The following SMARCC2 variants were observed in gnomAD, a reference collection of about 807,000 sequenced individuals.
SMARCC2 encodes SWI/SNF related BAF chromatin remodeling complex subunit C2.
A neutral mutation model predicts 151.3 loss-of-function variants in SMARCC2; 15 were observed. The ratio of observed to expected loss-of-function variants is 0.10; its 90% confidence interval spans 0.07 to 0.15. The LOEUF (loss-of-function observed/expected upper bound fraction) is 0.15. Ranked by LOEUF, SMARCC2 falls within the 10% of genes least tolerant of loss-of-function variation. The pLI is 1.00. For missense variants in SMARCC2, 1,031 were observed against 1,599.7 expected (o/e 0.64, Z 6.06); for synonymous variants, 590 against 609.5 (o/e 0.97, Z 0.47).
chr12:56,181,137 T>C (rs1876118597), intron 10 of SMARCC2, 36 bp from the exon 11 acceptor site: 7 of 1,595,064 alleles, frequency 4.4e-6, no homozygotes, highest in Non-Finnish European at 6.0e-6. Context: ...AACCCAGTCA[T>C]CCTTGGACAA....
chr12:56,178,476 T>C lies in SMARCC2; in HGVS notation c.1238A>G (p.His413Arg). 6.2e-7 allele frequency: 1 copy of C among 1,614,214 alleles called. No homozygotes were observed. ...GGTCTGTTCAGTCACATTGTCCTCA[T>C]GCAGGTCTGGATTCTTGGTCTGCTC... The part of the protein sequence containing the change: ...KGEQTKNPDL[H>R]EDNVTEQTHH... Residue 413 changes from histidine to arginine, a missense_variant, in exon 14 of 29, where the codon CAT becomes CGT. Physicochemically the swap from His to Arg is conservative, Grantham distance 29. Around this residue, in one of 12 missense-constraint regions of SMARCC2, gnomAD observed 51 missense variants for 135.1 expected, o/e 0.38. Transcript: ENST00000550164.
Position 56,164,628 on chromosome 12 carries a change from CA to C in SMARCC2, c.3335del (p.Leu1112CysfsTer22). On this transcript the variant is annotated frameshift_variant, in exon 28 of 29. Transcript: ENST00000550164. LOFTEE classifies it high-confidence loss of function. ...PGVAGNAPLG[L>X]PFGMPPPPPP... The stretch of plus-strand genomic sequence containing the variant: ...GAGGAGGAGGCGGCATGCCAAAAGG[CA>C]AACCCAAAGGAGCATTACCCGCCAC... The C allele has an allele frequency of 6.2e-7, 1 of 1,612,886 alleles. No homozygotes were observed. Among genetic ancestry groups the C allele is most frequent in the Non-Finnish European group, 8.5e-7 (1 of 1,179,362 alleles).
At position 56,170,280 on chromosome 12, in the gene SMARCC2, T is replaced by G. The variant is rs971976342; in HGVS notation, c.2348-72A>C. 14 of 1,311,006 alleles carry G rather than the reference T, an allele frequency of 1.1e-5. No individual in the cohort carries two copies. The African/African-American group carries it at 1.6e-4, about 15-fold the overall frequency. The allele number at this position is 1,311,006 out of a possible 1,614,324, so 81.2% of individuals were successfully genotyped here. A position where few individuals can be genotyped will look rare whatever the true frequency, so the allele number is the denominator to read the frequency against. On this transcript the variant is annotated intron_variant, in intron 22 of 28. Coordinates refer to ENST00000550164, the MANE Select transcript of SMARCC2 (RefSeq NM_001330288.2). ...GTCGTCTGTGTCTAACACTTTTCTT[T>G]TTTTTTAGAGACAGGGTCTTGCTGT...
rs767090428 is a variant in SMARCC2 at position 56,174,695 on chromosome 12, G to C, written c.1452C>G (p.Thr484=). 6.2e-6 allele frequency: 10 copies of C among 1,613,888 alleles called. No individual in the cohort carries two copies. The highest frequency in any genetic ancestry group is 2.7e-5 in the African/African-American group (2 of 74,886). ...RLNPQEYLTS[T]ACRRNLAGDV... ...CACCCGCTAGGTTTCGGCGGCAGGC[G>C]GTAGAGGTAAGATACTCTTGGGGGT... Residue 484 remains threonine (T), a synonymous_variant, in exon 16 of 29, where the codon ACC becomes ACG. Transcript: ENST00000550164.
chr12:56,176,145 C>A (rs1261268854), intron 15 of SMARCC2, among the ~76,000 whole-genome samples: 3 of 146,832 alleles, frequency 2.0e-5, no homozygotes, highest in Non-Finnish European at 4.4e-5. Context: ...GCGTGAGCCA[C>A]CATGCCCAGC....
At chr12:56,164,944 C>A (rs912321830) in intron 27 of SMARCC2, among the ~76,000 whole-genome samples, 34 of 152,104 alleles carry the variant, frequency 2.2e-4, no homozygotes, top group African/African-American at 8.2e-4. Flanking sequence ...CGCACCACCA[C>A]GCCCAGCTAA....
chr12:56,178,675 G>T, intron 13 of SMARCC2, 135 bp downstream of exon 13: 2 of 1,455,536 alleles, frequency 1.4e-6, no homozygotes, highest in Non-Finnish European at 1.9e-6. Context: ...CTCTGAAAGG[G>T]TCAGAGTTTT....
At chr12:56,163,844 AACCGGGC>A in intron 28 of SMARCC2, 79 bp from the exon 29 acceptor site, 1 of 945,792 alleles carries the variant, frequency 1.1e-6, no homozygotes, top group Non-Finnish European at 1.5e-6. Flanking sequence ...AGACAGACAG[AACCGGGC>A]ATGGCATGCA....
rs1274838603 is a variant in SMARCC2, at chr12:56,171,386, C to T, written c.2232G>A (p.Glu744=). The part of the protein sequence containing the change: ...MKEEVPTALV[E]AHVRKVEEAA... ...CTTCTTCCACTTTTCGAACATGGGC[C>T]TCCACCAAGGCCGTGGGTACCTCTT... is the stretch of plus-strand genomic sequence containing the variant. Residue 744 remains glutamate, a synonymous_variant, in exon 22 of 29, where the codon GAG becomes GAA. Transcript: ENST00000550164. The surrounding 1 kb of genome is among the most constrained non-coding windows in gnomAD (Gnocchi z 4.2). 9 of 1,614,132 alleles carry T rather than the reference C, an allele frequency of 5.6e-6. No homozygotes were observed. The highest frequency in any genetic ancestry group is 1.3e-5 in the African/African-American group (1 of 74,942).
Position 56,162,406 on chromosome 12 carries a change from GAAAA to G in SMARCC2, c.*1279_*1282del, listed in dbSNP as rs893741242. The G allele has an allele frequency of 6.3e-6, 4 of 636,000 alleles. No homozygotes were observed. Among genetic ancestry groups the G allele is most frequent in the Admixed American group, 2.9e-5 (1 of 35,068 alleles). The allele number at this position is 636,000 out of a possible 1,614,324, so 39.4% of individuals were successfully genotyped here. A position where few individuals can be genotyped will look rare whatever the true frequency, so the allele number is the denominator to read the frequency against. On this transcript the variant is annotated 3_prime_UTR_variant, in exon 29 of 29. Coordinates refer to ENST00000550164, the MANE Select transcript of SMARCC2 (RefSeq NM_001330288.2). The stretch of plus-strand genomic sequence containing the variant: ...TATAAAAAAAAAAAAAAGAAAGAAA[GAAAA>G]AAAGAGAAAATTTACAGAAAACTTT...
In SMARCC2 at chr12:56,178,825, C is replaced by T. The variant is rs371101532; in HGVS notation, c.1164G>A (p.Met388Ile). The T allele has an allele frequency of 1.4e-5, 22 of 1,614,042 alleles. No homozygotes were observed. Among genetic ancestry groups the T allele is most frequent in the Middle Eastern group, 3.3e-4 (2 of 6,084 alleles). ...CTGGCTCCACCTTGCCCGTCGTCTC[C>T]ATGCTTTCATCTTCCTGTTCATCTG... is the stretch of plus-strand genomic sequence containing the variant. ...TDLDEQEDES[M>I]ETTGKDEDEN... Residue 388 changes from methionine (M) to isoleucine (I), a missense_variant, in exon 13 of 29, where the codon ATG (methionine) becomes ATA (isoleucine). Met to Ile is a conservative substitution (Grantham distance 10, BLOSUM62 1). Around this residue, in one of 12 missense-constraint regions of SMARCC2, gnomAD observed 127 missense variants for 141.7 expected, o/e 0.90. Transcript: ENST00000550164.
rs200667953 is a variant in SMARCC2, at chr12:56,185,020, T to C, written c.399+10A>G. On this transcript the variant is annotated intron_variant, in intron 4 of 28. Transcript: ENST00000550164. ...AGGGAAGGGAGATAAATAGGGTATA[T>C]GCCTATTACCTGCACCAAGGACTTC... 9 of 1,600,264 alleles carry C rather than the reference T, an allele frequency of 5.6e-6. No individual in the cohort carries two copies. Among genetic ancestry groups the C allele is most frequent in the Non-Finnish European group, 7.7e-6 (9 of 1,167,316 alleles).
intron 11 of SMARCC2, among the ~76,000 whole-genome samples, chr12:56,180,722 C>G (rs369274522): frequency 3.9e-5 from 6 of 152,298 alleles, no homozygotes; most frequent in African/African-American, 1.4e-4. Flanking sequence ...ATATATTTTA[C>G]TGTCAGAAAC....
rs1350953923 is a variant in SMARCC2, at chr12:56,162,908, C to G, written c.*781G>C. 6.6e-6 allele frequency: 1 copy of G among 152,466 alleles called. No individual in the cohort carries two copies. Among genetic ancestry groups the G allele is most frequent in the Non-Finnish European group, 1.5e-5 (1 of 68,168 alleles). 9.4% of individuals were successfully genotyped at this position (152,466 alleles called of 1,614,324 possible). On this transcript the variant is annotated 3_prime_UTR_variant, in exon 29 of 29. Transcript: ENST00000550164. ...AGGAGAACAGCCCCCAGTGCCCTTTCTTCTCCTATTACCTACCACAGAAAT... is the reference window on the plus strand; with the variant it reads ...AGGAGAACAGCCCCCAGTGCCCTTTGTTCTCCTATTACCTACCACAGAAAT...
chr12:56,188,166 C>T (rs1877626557), intron 1 of SMARCC2, among the ~76,000 whole-genome samples: 3 of 152,234 alleles, frequency 2.0e-5, no homozygotes, highest in African/African-American at 7.2e-5. Context: ...AACCAGGTCA[C>T]AACTGTCAAT....
At chr12:56,179,131 CCTA>C in intron 11 of SMARCC2, 75 bp from the exon 12 acceptor site, 1 of 1,284,552 alleles carries the variant, frequency 7.8e-7, no homozygotes, top group Non-Finnish European at 1.1e-6. Flanking sequence ...TTCCAGACAT[CCTA>C]CTTTCTCCAA....
intron 15 of SMARCC2, 29 bp downstream of exon 15, chr12:56,177,993 A>G (rs760092893): frequency 1.4e-6 from 2 of 1,479,114 alleles, no homozygotes; most frequent in Non-Finnish European, 1.9e-6. Flanking sequence ...AGGAGGGAGA[A>G]GGAGAATCAT....
At chr12:56,176,464 T>C (rs550112637) in intron 15 of SMARCC2, among the ~76,000 whole-genome samples, 1 of 152,326 alleles carries the variant, frequency 6.6e-6, no homozygotes, top group Admixed American at 6.5e-5. Context: ...CCAAGCAGGT[T>C]TGGCCTGAGG....
rs1385948076 is a variant in SMARCC2 at position 56,189,402 on chromosome 12, G to C, written c.60C>G (p.Thr20=). The change falls in exon 1 of 29, where the codon ACC becomes ACG. Residue 20 remains threonine (T), a synonymous_variant. Coordinates refer to ENST00000550164, the MANE Select transcript of SMARCC2 (RefSeq NM_001330288.2). The stretch of plus-strand genomic sequence containing the variant: ...GCCGCACGTTGTCGAACTGGGTCAC[G>C]GTGTCCGCGGCCTCGTAGTACTTCA... ...PNVKYYEAAD[T]VTQFDNVRLW... The C allele has an allele frequency of 2.6e-6, 4 of 1,541,388 alleles. No individual in the cohort carries two copies. Among genetic ancestry groups the C allele is most frequent in the Non-Finnish European group, 3.5e-6 (4 of 1,141,196 alleles).
Sources: gnomAD v4.1 joint callset for allele counts (sites outside exome capture counted in the v4.1 genomes callset) on GRCh38, gnomAD v4.1.1 for gene constraint, gnomAD v4.1.1 regional missense constraint, Gnocchi (gnomAD v3.1) non-coding constraint, MANE v1.5 for transcripts, NCBI Gene and HGNC (gene_info 2026-07-23, HGNC 2026-07-21) for gene names.